WDR70: variants seen among roughly 807,000 people sequenced by gnomAD.
WDR70 encodes WD repeat-containing protein 70.
A neutral mutation model predicts 88.6 loss-of-function variants in WDR70; 53 were observed. That is an observed-to-expected ratio of 0.60 (90% CI 0.48 to 0.75). The LOEUF (loss-of-function observed/expected upper bound fraction) is 0.75, where lower values mean the gene tolerates loss of function less well. Ranked by LOEUF, WDR70 falls within the 30% of genes least tolerant of loss-of-function variation. The pLI is 0.00. For synonymous variants in WDR70, 280 were observed against 270.0 expected (o/e 1.04, Z -0.36); for missense variants, 610 against 823.2 (o/e 0.74, Z 3.17).
chr5:37,638,042 C>T (rs1470034908), intron 10 of WDR70, among the ~76,000 whole-genome samples: 6 of 152,218 alleles, frequency 3.9e-5, no homozygotes, highest in Admixed American at 1.3e-4. Context: ...GGCTGGGATC[C>T]GGGATGTGCC....
At chr5:37,528,559 C>T (rs1741377153) in intron 9 of WDR70, among the ~76,000 whole-genome samples, 1 of 152,070 alleles carries the variant, frequency 6.6e-6, no homozygotes, top group Non-Finnish European at 1.5e-5. Context: ...AGCACACCAA[C>T]ATGGCACATG....
chr5:37,560,141 T>C (rs1248921430), intron 9 of WDR70, among the ~76,000 whole-genome samples: 1 of 152,186 alleles, frequency 6.6e-6, no homozygotes, highest in Non-Finnish European at 1.5e-5. Flanking sequence ...AGCGAATAAT[T>C]GTTTCCATTT....
At position 37,752,599 on chromosome 5, in the gene WDR70, A is replaced by G. The variant is rs373402851; in HGVS notation, c.*26A>G. ...AGAATCTCATTTGAGAGCTGTTTGC[A>G]TGAGTGGGAGGGGTATGGGACAGGT... On this transcript the variant is annotated 3_prime_UTR_variant, in exon 18 of 18. Coordinates refer to ENST00000265107, the MANE Select transcript of WDR70 (RefSeq NM_018034.4). The G allele has an allele frequency of 1.3e-6, 2 of 1,558,016 alleles. No homozygotes were observed. Among genetic ancestry groups the G allele is most frequent in the African/African-American group, 2.7e-5 (2 of 73,398 alleles).
intron 10 of WDR70, among the ~76,000 whole-genome samples, chr5:37,621,804 A>G (rs1230641884): frequency 6.6e-6 from 1 of 152,148 alleles, no homozygotes; most frequent in Non-Finnish European, 1.5e-5. Flanking sequence ...GTCCTTGCCC[A>G]TGCCTATGTC....
At chr5:37,516,757 T>C (rs1253084752) in intron 9 of WDR70, among the ~76,000 whole-genome samples, 167 bp downstream of exon 9, 1 of 149,866 alleles carries the variant, frequency 6.7e-6, no homozygotes, top group Non-Finnish European at 1.5e-5. Flanking sequence ...AGTCTTGCTC[T>C]GTTGCCCAGG....
At chr5:37,650,128 T>G (rs1463042735) in intron 10 of WDR70, among the ~76,000 whole-genome samples, 11 of 150,410 alleles carry the variant, frequency 7.3e-5, no homozygotes, top group Admixed American at 7.3e-4. Context: ...CCGGGCGCAG[T>G]GGCTCACACC....
At chr5:37,381,925 G>A (rs1220946248) in intron 3 of WDR70, 5 of 346,340 alleles carry the variant, frequency 1.4e-5, no homozygotes, top group African/African-American at 1.1e-4. Flanking sequence ...ATGGTGCAGG[G>A]GCCTGTAATC....
At chr5:37,440,146 CTA>C (rs903550244) in intron 6 of WDR70, among the ~76,000 whole-genome samples, 6 of 152,142 alleles carry the variant, frequency 3.9e-5, no homozygotes, top group African/African-American at 1.4e-4. Flanking sequence ...TTTTATATCT[CTA>C]TAAGATTTTG....
chr5:37,414,782 TTC>T (rs916901202), intron 5 of WDR70, among the ~76,000 whole-genome samples: 1 of 148,506 alleles, frequency 6.7e-6, no homozygotes, highest in African/African-American at 2.6e-5. Context: ...GTCACAATTA[TTC>T]TTTTTTTTTT....
intron 10 of WDR70, among the ~76,000 whole-genome samples, chr5:37,672,270 T>C (rs1746047845): frequency 6.6e-6 from 1 of 151,846 alleles, no homozygotes; most frequent in South Asian, 2.1e-4. Context: ...TATGGCCTCG[T>C]GGGAAGGGAA....
chr5:37,627,458 C>T (rs1744700198), intron 10 of WDR70, among the ~76,000 whole-genome samples: 1 of 151,960 alleles, frequency 6.6e-6, no homozygotes. Flanking sequence ...ATTTCTTTTA[C>T]TAATTTGGGG....
At chr5:37,622,063 G>T (rs910580187) in intron 10 of WDR70, among the ~76,000 whole-genome samples, 5 of 152,082 alleles carry the variant, frequency 3.3e-5, no homozygotes, top group African/African-American at 1.2e-4. Flanking sequence ...ATTTCTGCGG[G>T]CTCTGTTCTG....
At chr5:37,657,814 C>G (rs556076582) in intron 10 of WDR70, among the ~76,000 whole-genome samples, 1 of 152,280 alleles carries the variant, frequency 6.6e-6, no homozygotes, top group South Asian at 2.1e-4. Flanking sequence ...TATATTCTAA[C>G]CAAACAAGTC....
At chr5:37,523,967 A>T (rs1380451303) in intron 9 of WDR70, among the ~76,000 whole-genome samples, 1 of 152,268 alleles carries the variant, frequency 6.6e-6, no homozygotes, top group Non-Finnish European at 1.5e-5. Context: ...CCGCTAAGAA[A>T]TATGGGACTA....
At chr5:37,518,979 A>G (rs1229979507) in intron 9 of WDR70, among the ~76,000 whole-genome samples, 1 of 152,186 alleles carries the variant, frequency 6.6e-6, no homozygotes, top group Non-Finnish European at 1.5e-5. Context: ...GACACAGCAC[A>G]TGTTTCAGAG....
intron 10 of WDR70, 142 bp from the exon 11 acceptor site, chr5:37,697,513 C>T: frequency 1.7e-6 from 1 of 603,592 alleles, no homozygotes; most frequent in East Asian, 2.8e-5. Flanking sequence ...TTTTAGAAAG[C>T]AAATTATAAT....
intron 3 of WDR70, among the ~76,000 whole-genome samples, chr5:37,391,149 C>G (rs1054374188): frequency 6.6e-6 from 1 of 152,178 alleles, no homozygotes; most frequent in Non-Finnish European, 1.5e-5. Flanking sequence ...AATATTTCCC[C>G]AGATTTCTGT....
intron 10 of WDR70, among the ~76,000 whole-genome samples, chr5:37,619,101 T>C (rs1744431215): frequency 2.0e-5 from 3 of 152,212 alleles, no homozygotes; most frequent in Non-Finnish European, 4.4e-5. Context: ...GCTCATTCCG[T>C]GTCATGGTGC....
At chr5:37,512,486 T>G (rs1025614775) in intron 8 of WDR70, among the ~76,000 whole-genome samples, 4 of 152,134 alleles carry the variant, frequency 2.6e-5, no homozygotes, top group Admixed American at 6.5e-5. Flanking sequence ...CCCAAAGTGT[T>G]GAGATTACAG....
Sources: allele counts gnomAD v4.1 joint callset (sites outside exome capture counted in the v4.1 genomes callset), GRCh38; gene constraint gnomAD v4.1.1; transcripts MANE v1.5; gene names NCBI Gene and HGNC (gene_info 2026-07-23, HGNC 2026-07-21).